LACTB: variants seen among roughly 807,000 people sequenced by gnomAD.
The protein encoded by LACTB is serine beta-lactamase-like protein LACTB, mitochondrial.
Under a neutral mutation model 50.2 loss-of-function variants are expected in LACTB, and 35 were observed. The observed-to-expected ratio is 0.70, with a 90% CI of 0.53 to 0.92. The LOEUF (loss-of-function observed/expected upper bound fraction) is 0.92. LACTB is among the 40% of genes least tolerant of loss of function. The pLI is 0.00. For missense variants in LACTB, 664 were observed against 691.8 expected (o/e 0.96, Z 0.45); for synonymous variants, 252 against 268.2 (o/e 0.94, Z 0.59).
intron 5 of LACTB, among the ~76,000 whole-genome samples, chr15:63,133,965 G>A (rs1172918014): frequency 2.6e-5 from 4 of 152,118 alleles, no homozygotes; most frequent in Non-Finnish European, 5.9e-5. Context: ...AATTCAGAAA[G>A]AACAAAATAC....
intron 2 of LACTB, among the ~76,000 whole-genome samples, chr15:63,124,118 G>C (rs1356375903): frequency 6.6e-6 from 1 of 152,228 alleles, no homozygotes; most frequent in Non-Finnish European, 1.5e-5. Flanking sequence ...GTTACCGCTA[G>C]ACCAAGGAGT....
rs2037062137 is a variant in LACTB at position 63,127,009 on chromosome 15, A to T, written c.575A>T (p.Tyr192Phe). Residue 192 changes from tyrosine to phenylalanine, a missense_variant, in exon 3 of 6, where the codon TAT (tyrosine) becomes TTT (phenylalanine). By Grantham distance (22) the Tyr-to-Phe change is conservative. Coordinates refer to ENST00000261893, the MANE Select transcript of LACTB (RefSeq NM_032857.5). ...GATCTTGATATTCCAGTACAACATT[A>T]TGTTCCCGAATTCCCAGAAAAAGAA... is the stretch of plus-strand genomic sequence containing the variant. ...KLDLDIPVQH[Y>F]VPEFPEKEYE... 2 of 1,610,504 alleles carry T rather than the reference A, an allele frequency of 1.2e-6. No homozygotes were observed. Among genetic ancestry groups the T allele is most frequent in the East Asian group, 4.5e-5 (2 of 44,816 alleles).
chr15:63,128,712 G>C lies in LACTB; in HGVS notation c.953-773G>C, dbSNP rs146974491. Among the ~76,000 whole-genome samples, 483 of 152,166 alleles carry C rather than the reference G, an allele frequency of 3.2e-3. 2 individuals carry two copies. The highest frequency in any genetic ancestry group is 0.013 in the East Asian group (65 of 5,188). ...AATTCAAATATGTATTTGAAACAAA[G>C]TTTGTGTGCCTACATTTATTTTATT... is the stretch of plus-strand genomic sequence containing the variant. On this transcript the variant is annotated intron_variant, in intron 4 of 5. Coordinates refer to ENST00000261893, the MANE Select transcript of LACTB (RefSeq NM_032857.5).
intron 5 of LACTB, among the ~76,000 whole-genome samples, chr15:63,136,436 G>A (rs997757420): frequency 6.6e-6 from 1 of 151,786 alleles, no homozygotes; most frequent in African/African-American, 2.4e-5. Context: ...GTTTTGTCTT[G>A]TTTTAATTTT....
At chr15:63,131,155 G>A (rs2037127997) in intron 5 of LACTB, 1 of 152,414 alleles carries the variant, frequency 6.6e-6, no homozygotes, top group African/African-American at 2.4e-5. Context: ...AGCCGGGCAT[G>A]GTGGCATACA....
At chr15:63,128,392 T>A (rs1330077156) in intron 4 of LACTB, among the ~76,000 whole-genome samples, 1 of 152,070 alleles carries the variant, frequency 6.6e-6, no homozygotes, top group African/African-American at 2.4e-5. Context: ...AGCCCAGGAG[T>A]TTAAGACTAG....
In LACTB at chr15:63,122,692, C is replaced by G; in HGVS notation, c.414C>G (p.Val138=). The change falls in exon 2 of 6, where the codon GTC becomes GTG. Residue 138 remains valine (V), a synonymous_variant. Coordinates refer to ENST00000261893, the MANE Select transcript of LACTB (RefSeq NM_032857.5). ...GAGTTTCTGTAGATGGAAAAGAAGT[C>G]TGGTCAGAAGGTGGGTTCAGAAAAT... ...VVGVSVDGKE[V]WSEGLGYADV... 6.2e-7 allele frequency: 1 copy of G among 1,612,586 alleles called. No individual in the cohort carries two copies. The highest frequency in any genetic ancestry group is 8.5e-7 in the Non-Finnish European group (1 of 1,178,524).
chr15:63,122,639 G>C lies in LACTB; in HGVS notation c.361G>C (p.Glu121Gln). Residue 121 changes from glutamate to glutamine, a missense_variant, in exon 2 of 6, where the codon GAG becomes CAG. Transcript: ENST00000261893. ...GTTCTTTCCCCTTCGGTCTTAGGAT[G>C]AGGTGGGCGCACCGGGCATAGTGGT... ...SRDLLHRIKDEVGAPGIVVGV... is the reference protein window; with the variant it reads ...SRDLLHRIKDQVGAPGIVVGV... 1.2e-6 allele frequency: 2 copies of C among 1,612,878 alleles called. No individual in the cohort carries two copies. Among genetic ancestry groups the C allele is most frequent in the South Asian group, 1.1e-5 (1 of 91,064 alleles).
At chr15:63,125,823 G>T (rs1008548116) in intron 2 of LACTB, 2 of 150,702 alleles carry the variant, frequency 1.3e-5, no homozygotes, top group African/African-American at 4.9e-5. Flanking sequence ...GAGACTACAG[G>T]TGCACTCCAC....
At chr15:63,122,370 C>T (rs973332298) in intron 1 of LACTB, 142 bp downstream of exon 1, 3 of 802,832 alleles carry the variant, frequency 3.7e-6, no homozygotes, top group Non-Finnish European at 5.7e-6. Context: ...TCCCCACCGC[C>T]GAGCCGTGGT....
intron 5 of LACTB, among the ~76,000 whole-genome samples, chr15:63,139,934 CAAAA>C (rs56336727): frequency 7.1e-6 from 1 of 141,412 alleles, no homozygotes; most frequent in Non-Finnish European, 1.5e-5. Flanking sequence ...TCATCTCTAC[CAAAA>C]AAAAAAAAAA....
intron 2 of LACTB, among the ~76,000 whole-genome samples, chr15:63,123,163 GCA>G (rs752745249): frequency 6.6e-6 from 1 of 152,220 alleles, no homozygotes; most frequent in Non-Finnish European, 1.5e-5. Flanking sequence ...TGAGTGGCAT[GCA>G]ATTTAAAGCT....
chr15:63,136,100 G>A (rs547473994), intron 5 of LACTB, among the ~76,000 whole-genome samples: 2 of 150,800 alleles, frequency 1.3e-5, no homozygotes, highest in East Asian at 3.9e-4. Context: ...GGAATGCAGT[G>A]GCACAATCAT....
chr15:63,128,099 T>G (rs1454022137), intron 4 of LACTB, among the ~76,000 whole-genome samples: 1 of 152,268 alleles, frequency 6.6e-6, no homozygotes, highest in Non-Finnish European at 1.5e-5. Flanking sequence ...CACTAATTTT[T>G]TGCCAAAAAT....
At chr15:63,123,048 A>G (rs1566988930) in intron 2 of LACTB, among the ~76,000 whole-genome samples, 1 of 152,238 alleles carries the variant, frequency 6.6e-6, no homozygotes, top group African/African-American at 2.4e-5. Context: ...AACCCTGTAT[A>G]TACTATATTT....
intron 5 of LACTB, among the ~76,000 whole-genome samples, chr15:63,138,663 AT>A (rs1207581691): frequency 1.3e-5 from 2 of 152,164 alleles, no homozygotes; most frequent in Non-Finnish European, 2.9e-5. Flanking sequence ...AAGTCTCCAT[AT>A]TTTTATATTT....
rs1214827658 is a variant in LACTB, at chr15:63,122,223, A to G, written c.352A>G (p.Ile118Val). 3.9e-6 allele frequency: 6 copies of G among 1,557,880 alleles called. No homozygotes were observed. In the South Asian group the frequency reaches 7.0e-5, roughly 18 times the overall value. ...GAGCAGCCGCGACCTGCTGCACAGG[A>G]TCAAGGTGCGGCCACTGGAGCGGGG... Reference protein sequence around the residue: ...IESSRDLLHRIKDEVGAPGIV... With the variant: ...IESSRDLLHRVKDEVGAPGIV... The change falls in exon 1 of 6, where the codon ATC becomes GTC. Residue 118 changes from isoleucine (I) to valine (V), a missense_variant. Physicochemically the swap from Ile to Val is conservative, Grantham distance 29. Coordinates refer to ENST00000261893, the MANE Select transcript of LACTB (RefSeq NM_032857.5).
chr15:63,139,191 AT>A (rs2037203358), intron 5 of LACTB, among the ~76,000 whole-genome samples: 1 of 69,806 alleles, frequency 1.4e-5, no homozygotes, highest in Non-Finnish European at 3.0e-5. Flanking sequence ...TCTACTAAAA[AT>A]CCAAAAAAAA....
At chr15:63,122,513 C>A in intron 1 of LACTB, 123 bp from the exon 2 acceptor site, 4 of 817,540 alleles carry the variant, frequency 4.9e-6, no homozygotes, top group Non-Finnish European at 8.4e-6. Context: ...ACGAGGTGGG[C>A]GGGGCCCAGG....
Sources: gnomAD v4.1 joint callset for allele counts (sites outside exome capture counted in the v4.1 genomes callset) on GRCh38, gnomAD v4.1.1 for gene constraint, MANE v1.5 for transcripts, NCBI Gene and HGNC (gene_info 2026-07-23, HGNC 2026-07-21) for gene names.